SNTG2: variants seen among roughly 807,000 people sequenced by gnomAD.
The protein encoded by SNTG2 is syntrophin gamma 2.
SNTG2 carries 74 observed loss-of-function variants against 70.9 expected under a neutral mutation model. That is an observed-to-expected ratio of 1.04 (90% confidence interval 0.86 to 1.27). SNTG2 has a LOEUF of 1.27. SNTG2 is among the 50% of genes most tolerant of loss of function. The pLI is 0.00. For missense variants in SNTG2, 717 were observed against 690.7 expected (o/e 1.04, Z -0.43); for synonymous variants, 278 against 273.8 (o/e 1.02, Z -0.15).
chr2:1,195,287 C>T (rs922364082), intron 8 of SNTG2, among the ~76,000 whole-genome samples: 2 of 152,118 alleles, frequency 1.3e-5, no homozygotes, highest in Non-Finnish European at 2.9e-5. Context: ...GTTCTAGATC[C>T]TTGAGGAGTT....
intron 7 of SNTG2, among the ~76,000 whole-genome samples, chr2:1,170,305 G>C (rs1671042648): frequency 6.6e-6 from 1 of 152,180 alleles, no homozygotes; most frequent in African/African-American, 2.4e-5. Flanking sequence ...TCACTACGTT[G>C]TAGAGGCATT....
chr2:1,224,428 C>T (rs1675622014), intron 9 of SNTG2, among the ~76,000 whole-genome samples: 1 of 152,212 alleles, frequency 6.6e-6, no homozygotes, highest in Non-Finnish European at 1.5e-5. Context: ...GACCTTTGAC[C>T]TGGCTTCCCA....
At chr2:1,179,060 ATTTC>A (rs1671683290) in intron 8 of SNTG2, among the ~76,000 whole-genome samples, 2 of 151,996 alleles carry the variant, frequency 1.3e-5, no homozygotes, top group Admixed American at 6.6e-5. Context: ...GAATTTATCC[ATTTC>A]TTCTAGATTT....
intron 13 of SNTG2, among the ~76,000 whole-genome samples, chr2:1,261,237 G>T (rs993353256): frequency 6.6e-6 from 1 of 152,120 alleles, no homozygotes; most frequent in Non-Finnish European, 1.5e-5. Context: ...AATTGCTGAT[G>T]TTTATCATTT....
At chr2:1,060,146 A>G (rs1273397945) in intron 1 of SNTG2, among the ~76,000 whole-genome samples, 1 of 152,238 alleles carries the variant, frequency 6.6e-6, no homozygotes, top group Admixed American at 6.5e-5. Context: ...CCAAGACTAA[A>G]AGACTTTAGG....
intron 16 of SNTG2, among the ~76,000 whole-genome samples, chr2:1,335,590 G>A (rs1659779388): frequency 6.6e-6 from 1 of 152,086 alleles, no homozygotes; most frequent in South Asian, 2.1e-4. Flanking sequence ...GACCATCAGA[G>A]CTTCTAAGAT....
intron 16 of SNTG2, among the ~76,000 whole-genome samples, chr2:1,363,087 G>A (rs11211669): frequency 0.72 from 107,874 of 149,840 alleles, 39,151 homozygotes; most frequent in East Asian, 0.94. Flanking sequence ...AAAGTGACCG[G>A]CGCTGAGATG....
intron 16 of SNTG2, among the ~76,000 whole-genome samples, chr2:1,358,609 A>G (rs751587578): frequency 2.0e-5 from 3 of 151,986 alleles, no homozygotes; most frequent in African/African-American, 4.8e-5. Context: ...TCTTTGATCC[A>G]TTCGTTCCCC....
At chr2:1,357,689 C>G (rs946412187) in intron 16 of SNTG2, among the ~76,000 whole-genome samples, 1 of 151,982 alleles carries the variant, frequency 6.6e-6, no homozygotes, top group Middle Eastern at 3.4e-3. Context: ...GATTCACTCT[C>G]CTTCCTAGTT....
chr2:1,221,797 G>C lies in SNTG2; in HGVS notation c.719+12567G>C, dbSNP rs200019275. 2.2e-3 allele frequency among the ~76,000 whole-genome samples: 11 copies of C among 5,084 alleles called. 3 individuals are homozygous for C. The highest frequency in any genetic ancestry group is 3.4e-3 in the Non-Finnish European group (9 of 2,670). The allele number at this position is 5,084 out of a possible 152,430, so 3.3% of individuals were successfully genotyped here. A position where few individuals can be genotyped will look rare whatever the true frequency, so the allele number is the denominator to read the frequency against. On this transcript the variant is annotated intron_variant, in intron 9 of 16. Transcript: ENST00000308624. ...CCTCTCTCTGTCTCTGTCTCTGTCT[G>C]TCTCTGTCTCTCTCTCGGTCTCTGT... is the stretch of plus-strand genomic sequence containing the variant.
At chr2:1,142,641 C>T (rs1370364225) in intron 6 of SNTG2, among the ~76,000 whole-genome samples, 1 of 152,196 alleles carries the variant, frequency 6.6e-6, no homozygotes, top group South Asian at 2.1e-4. Flanking sequence ...CTTAGTGTGG[C>T]CACTGTGAGT....
intron 1 of SNTG2, among the ~76,000 whole-genome samples, chr2:1,060,870 C>T (rs1279583883): frequency 6.6e-6 from 1 of 152,204 alleles, no homozygotes; most frequent in East Asian, 1.9e-4. Context: ...GATATGTTCA[C>T]AGTCCCAATG....
At chr2:1,074,542 T>C (rs948177691) in intron 1 of SNTG2, among the ~76,000 whole-genome samples, 1 of 152,220 alleles carries the variant, frequency 6.6e-6, no homozygotes, top group African/African-American at 2.4e-5. Context: ...TGTTAAGTAA[T>C]CAGCATTTCA....
chr2:1,197,633 G>A (rs1013207767), intron 8 of SNTG2, among the ~76,000 whole-genome samples: 4 of 151,410 alleles, frequency 2.6e-5, no homozygotes, highest in African/African-American at 9.7e-5. Context: ...ACCTTCCTGG[G>A]CTCAGGTGAT....
In SNTG2 at chr2:1,272,621, G is replaced by A. The variant is rs181026733; in HGVS notation, c.1284+5050G>A. 6.6e-5 allele frequency among the ~76,000 whole-genome samples: 10 copies of A among 151,400 alleles called. No homozygotes were observed. The East Asian group carries it at 1.3e-3, about 19-fold the overall frequency. On this transcript the variant is annotated intron_variant, in intron 14 of 16. Transcript: ENST00000308624. ...TGTAGAAAGGACACCCCAGGGAACA[G>A]GTGTAGAAAGGACACCCCAGGGAAA...
intron 11 of SNTG2, among the ~76,000 whole-genome samples, chr2:1,245,537 T>A (rs564399264): frequency 6.6e-6 from 1 of 152,264 alleles, no homozygotes; most frequent in Non-Finnish European, 1.5e-5. Flanking sequence ...TGTGCAGTAG[T>A]GAGCTGGAAT....
chr2:1,031,611 A>T (rs1660844005), intron 1 of SNTG2, among the ~76,000 whole-genome samples: 1 of 144,972 alleles, frequency 6.9e-6, no homozygotes, highest in Admixed American at 7.0e-5. Flanking sequence ...GCTCACTGCA[A>T]CCTCCGCCTC....
chr2:1,176,103 T>C (rs1671457633), intron 8 of SNTG2, among the ~76,000 whole-genome samples: 1 of 152,196 alleles, frequency 6.6e-6, no homozygotes, highest in Admixed American at 6.5e-5. Context: ...TCATCCTCCT[T>C]ATCAGCAAGA....
chr2:959,730 G>C (rs1034070606), intron 1 of SNTG2, among the ~76,000 whole-genome samples: 1 of 150,668 alleles, frequency 6.6e-6, no homozygotes, highest in Non-Finnish European at 1.5e-5. Flanking sequence ...CTCGGGTGCC[G>C]CTGTGCAGAT....
Sources: allele counts gnomAD v4.1 joint callset (sites outside exome capture counted in the v4.1 genomes callset), GRCh38; gene constraint gnomAD v4.1.1; transcripts MANE v1.5; gene names NCBI Gene and HGNC (gene_info 2026-07-23, HGNC 2026-07-21).